KDM2A: variants seen among roughly 807,000 people sequenced by gnomAD.
KDM2A encodes lysine-specific demethylase 2A.
In KDM2A, 3 loss-of-function variants were observed where a neutral mutation model predicts 137.3. The observed-to-expected ratio is 0.02, with a 90% CI of 0.01 to 0.06. The LOEUF is 0.06. Ranked by LOEUF, KDM2A falls within the 10% of genes least tolerant of loss-of-function variation. KDM2A has a pLI of 1.00. For synonymous variants in KDM2A, 512 were observed against 541.5 expected (o/e 0.95, Z 0.76); for missense variants, 738 against 1,510.6 (o/e 0.49, Z 8.48).
chr11:67,191,277 G>A (rs1459650451), intron 5 of KDM2A, among the ~76,000 whole-genome samples: 4 of 151,848 alleles, frequency 2.6e-5, no homozygotes, highest in Admixed American at 6.6e-5. Flanking sequence ...TGCTCGCCTC[G>A]GCCTCCCAAA....
At chr11:67,196,234 C>T (rs1011472317) in intron 5 of KDM2A, 2 of 455,976 alleles carry the variant, frequency 4.4e-6, no homozygotes, top group African/African-American at 4.0e-5. Context: ...AGCCCATGAG[C>T]CTCAGATGCA....
chr11:67,147,348 C>G (rs561921559), intron 2 of KDM2A, among the ~76,000 whole-genome samples: 33 of 152,092 alleles, frequency 2.2e-4, no homozygotes, highest in Non-Finnish European at 4.4e-5. Flanking sequence ...TGAGACCATC[C>G]TGGCTAACAC....
At chr11:67,187,762 C>T (rs192022033) in intron 5 of KDM2A, among the ~76,000 whole-genome samples, 4 of 152,118 alleles carry the variant, frequency 2.6e-5, no homozygotes, top group Middle Eastern at 3.4e-3. Context: ...TTAGTAGAGA[C>T]GGGGTTTTGC....
chr11:67,121,277 G>T lies in KDM2A; in HGVS notation c.-40G>T. The T allele has an allele frequency of 6.4e-7, 1 of 1,574,436 alleles. No individual in the cohort carries two copies. Among genetic ancestry groups the T allele is most frequent in the Non-Finnish European group, 8.7e-7 (1 of 1,144,166 alleles). ...AAGGAGGAAGAGGAAGGCAGCCCTG[G>T]AGTGGTTTCTTTACAGTAATTTCAA... is the stretch of plus-strand genomic sequence containing the variant. On this transcript the variant is annotated 5_prime_UTR_variant, in exon 2 of 21. Transcript: ENST00000529006.
intron 5 of KDM2A, among the ~76,000 whole-genome samples, chr11:67,207,179 G>A (rs1590785290): frequency 6.6e-6 from 1 of 152,116 alleles, no homozygotes; most frequent in African/African-American, 2.4e-5. Context: ...GCTTTGTTCT[G>A]TAAGTTACCT....
chr11:67,209,429 T>G (rs1264657569), intron 6 of KDM2A, among the ~76,000 whole-genome samples: 1 of 150,694 alleles, frequency 6.6e-6, no homozygotes, highest in Non-Finnish European at 1.5e-5. Flanking sequence ...TCTAGAATTT[T>G]ATTTTATTAT....
chr11:67,181,237 G>A, intron 3 of KDM2A, 83 bp from the exon 4 acceptor site: 2 of 814,968 alleles, frequency 2.5e-6, no homozygotes, highest in South Asian at 3.2e-5. Flanking sequence ...CATTTATACT[G>A]TATTACTTAG....
Position 67,245,068 on chromosome 11 carries a change from A to G in KDM2A, c.1564-121A>G, listed in dbSNP as rs1859164138. ...AATAAAATTTATTCTAGAAACAAGCAGTGGGCAGATCTGGCCATAGTGGGC... is the reference window on the plus strand; with the variant it reads ...AATAAAATTTATTCTAGAAACAAGCGGTGGGCAGATCTGGCCATAGTGGGC... On this transcript the variant is annotated intron_variant, in intron 13 of 20. Coordinates refer to ENST00000529006, the MANE Select transcript of KDM2A (RefSeq NM_012308.3). The surrounding 1 kb of genome is among the most constrained non-coding windows in gnomAD (Gnocchi z 4.1). The G allele has an allele frequency of 1.0e-6, 1 of 977,196 alleles. No individual in the cohort carries two copies. The highest frequency in any genetic ancestry group is 2.3e-5 in the Admixed American group (1 of 44,222). The allele number at this position is 977,196 out of a possible 1,614,324, so 60.5% of individuals were successfully genotyped here.
chr11:67,218,173 C>T, intron 9 of KDM2A, among the ~76,000 whole-genome samples: 1 of 152,286 alleles, frequency 6.6e-6, no homozygotes. Context: ...TAGATAGGAC[C>T]TGTTCTGCAG....
chr11:67,131,412 C>CTTTTT (rs563635809), intron 2 of KDM2A, among the ~76,000 whole-genome samples: 2 of 132,834 alleles, frequency 1.5e-5, no homozygotes, highest in African/African-American at 2.8e-5. Context: ...GTTTTCTTTT[C>CTTTTT]TTTTTTTTTT....
chr11:67,162,145 T>A (rs919978626), intron 2 of KDM2A, among the ~76,000 whole-genome samples: 2 of 152,216 alleles, frequency 1.3e-5, no homozygotes, highest in Non-Finnish European at 2.9e-5. Flanking sequence ...TTATAGTTTA[T>A]TAAATCATTT....
intron 2 of KDM2A, among the ~76,000 whole-genome samples, chr11:67,134,347 A>C (rs1326696430): frequency 6.6e-6 from 1 of 152,192 alleles, no homozygotes; most frequent in African/African-American, 2.4e-5. Context: ...TCTGCAGTGC[A>C]CAGGACAGCC....
At chr11:67,172,148 C>T (rs988672496) in intron 2 of KDM2A, among the ~76,000 whole-genome samples, 1 of 152,066 alleles carries the variant, frequency 6.6e-6, no homozygotes. Flanking sequence ...CACCAGCACT[C>T]CTGGCTAATA....
chr11:67,237,803 T>C (rs11227749), intron 12 of KDM2A, among the ~76,000 whole-genome samples: 13,314 of 151,952 alleles, frequency 0.088, 1,972 homozygotes, highest in African/African-American at 0.3. Flanking sequence ...AGAAATTAGC[T>C]GAGCATGGTA....
At chr11:67,170,445 C>G (rs1856858627) in intron 2 of KDM2A, among the ~76,000 whole-genome samples, 1 of 128,502 alleles carries the variant, frequency 7.8e-6, no homozygotes, top group South Asian at 2.4e-4. Flanking sequence ...TGGAGTCTCG[C>G]TCTGTCGCCC....
chr11:67,252,905 G>A lies in KDM2A; in HGVS notation c.2932+48G>A, dbSNP rs756559671. The A allele has an allele frequency of 3.5e-5, 55 of 1,558,648 alleles. 1 individual carries two copies. Among genetic ancestry groups the A allele is most frequent in the Admixed American group, 7.5e-5 (4 of 53,588 alleles). On this transcript the variant is annotated intron_variant, in intron 18 of 20. Coordinates refer to ENST00000529006, the MANE Select transcript of KDM2A (RefSeq NM_012308.3). ...GTCTTTCCAGGGGCCCAGAAGAAGC[G>A]GGCAAGAAAAGTTGCATTATTGGCA...
At chr11:67,122,087 G>A (rs4478996) in intron 2 of KDM2A, among the ~76,000 whole-genome samples, 41,623 of 152,112 alleles carry the variant, frequency 0.27, 11,588 homozygotes, top group African/African-American at 0.7. Context: ...AGCTTTATTA[G>A]TAGTCTCACA....
chr11:67,221,921 T>A (rs1190541129), intron 10 of KDM2A, among the ~76,000 whole-genome samples: 4 of 150,098 alleles, frequency 2.7e-5, no homozygotes, highest in Non-Finnish European at 5.9e-5. Flanking sequence ...GGTGGAAGAG[T>A]GAGACACAGT....
At position 67,245,125 on chromosome 11, in the gene KDM2A, T is replaced by A; in HGVS notation, c.1564-64T>A. ...CCAGGCTAGGTATGCTACCATGTAATCTTCTACCCTATCCAGTCTTAAAGC... is the reference window on the plus strand; with the variant it reads ...CCAGGCTAGGTATGCTACCATGTAAACTTCTACCCTATCCAGTCTTAAAGC... On this transcript the variant is annotated intron_variant, in intron 13 of 20. Transcript: ENST00000529006. This position sits in a 1 kb window ranked among gnomAD's most constrained non-coding sequence, Gnocchi z 4.1. The A allele has an allele frequency of 6.4e-7, 1 of 1,560,672 alleles. No homozygotes were observed. Among genetic ancestry groups the A allele is most frequent in the Non-Finnish European group, 8.7e-7 (1 of 1,149,118 alleles).
Sources: gnomAD v4.1 joint callset for allele counts (sites outside exome capture counted in the v4.1 genomes callset) on GRCh38, gnomAD v4.1.1 for gene constraint, Gnocchi (gnomAD v3.1) non-coding constraint, MANE v1.5 for transcripts, NCBI Gene and HGNC (gene_info 2026-07-23, HGNC 2026-07-21) for gene names.